The following FRRS1 variants were observed in gnomAD, a reference collection of about 807,000 sequenced individuals.
FRRS1 encodes the protein ferric reductase 1.
FRRS1 carries 51 observed loss-of-function variants against 70.7 expected under a neutral mutation model. The ratio of observed to expected loss-of-function variants is 0.72; its 90% CI spans 0.58 to 0.91. FRRS1 has a LOEUF of 0.91. Ranked by LOEUF, FRRS1 falls within the 40% of genes least tolerant of loss-of-function variation. The pLI, the probability that FRRS1 is intolerant of heterozygous loss-of-function variation, is 0.00. For synonymous variants in FRRS1, 225 were observed against 238.7 expected, an observed-to-expected ratio of 0.94 and a Z score of 0.53; for missense variants, 672 against 726.0, an observed-to-expected ratio of 0.93 and a Z score of 0.86.
chr1:99,754,879 C>G (rs2100994671), intron 1 of FRRS1, among the ~76,000 whole-genome samples: 1 of 152,112 alleles, frequency 6.6e-6, no homozygotes, highest in Admixed American at 6.5e-5. Context: ...TTTAACCAGC[C>G]CTGCACCTAA....
chr1:99,723,952 A>G (rs1312464121), intron 9 of FRRS1, among the ~76,000 whole-genome samples: 1 of 152,222 alleles, frequency 6.6e-6, no homozygotes, highest in Non-Finnish European at 1.5e-5. Context: ...GAGCTACAAA[A>G]GTGTCAAAAA....
At chr1:99,738,456 G>A (rs1425498788) in intron 6 of FRRS1, among the ~76,000 whole-genome samples, 188 bp from the exon 7 acceptor site, 1 of 152,154 alleles carries the variant, frequency 6.6e-6, no homozygotes, top group Non-Finnish European at 1.5e-5. Flanking sequence ...GCAGTAGTTA[G>A]GTTATGAACT....
chr1:99,748,732 G>A lies in FRRS1; in HGVS notation c.37C>T (p.Leu13Phe). The A allele has an allele frequency of 6.2e-7, 1 of 1,614,034 alleles. No homozygotes were observed. Among genetic ancestry groups the A allele is most frequent in the Non-Finnish European group, 8.5e-7 (1 of 1,179,928 alleles). The change falls in exon 3 of 17, where the codon CTT (leucine) becomes TTT (phenylalanine). Residue 13 changes from leucine (L) to phenylalanine (F), a missense_variant. Leu to Phe is a conservative substitution (Grantham distance 22). Transcript: ENST00000646001. The stretch of plus-strand genomic sequence containing the variant: ...GCCACATAACTAATGTGCAACAGAA[G>A]TATGCAGGTACCAAGAGTAAATCCA... ...VSGFTLGTCI[L>F]LLHISYVANY...
intron 10 of FRRS1, among the ~76,000 whole-genome samples, chr1:99,719,182 G>A (rs1408703741): frequency 3.9e-5 from 6 of 152,104 alleles, no homozygotes; most frequent in Admixed American, 1.3e-4. Flanking sequence ...AGGCCTAGGC[G>A]GGCAGATCAC....
intron 11 of FRRS1, 24 bp from the exon 12 acceptor site, chr1:99,715,696 A>C: frequency 6.6e-7 from 1 of 1,522,278 alleles, no homozygotes; most frequent in South Asian, 1.1e-5. Flanking sequence ...TGACAAATTA[A>C]GAAGACACTT....
rs533398608 is a variant in FRRS1, at chr1:99,737,947, C to T, written c.759+139G>A. ...TAGTAGAGGTGGGGTTTCACCATCT[C>T]GGCCAGGCTGGTCTTGAACTCCCGA... On this transcript the variant is annotated intron_variant, in intron 7 of 16. Transcript: ENST00000646001. The T allele has an allele frequency of 2.4e-4, 154 of 636,862 alleles. No homozygotes were observed. In the South Asian group the frequency reaches 3.0e-3, roughly 12 times the overall value. 39.5% of individuals were successfully genotyped at this position (636,862 alleles called of 1,614,324 possible). A position where few individuals can be genotyped will look rare whatever the true frequency, so the allele number is the denominator to read the frequency against.
intron 1 of FRRS1, among the ~76,000 whole-genome samples, chr1:99,750,869 T>A (rs909215504): frequency 2.0e-5 from 3 of 152,094 alleles, no homozygotes; most frequent in African/African-American, 7.2e-5. Context: ...AATAAATAAA[T>A]AATAAATAAA....
At position 99,710,942 on chromosome 1, in the gene FRRS1, C is replaced by T; in HGVS notation, c.1488G>A (p.Ala496=). 1.9e-6 allele frequency: 3 copies of T among 1,612,736 alleles called. No individual in the cohort carries two copies. The highest frequency in any genetic ancestry group is 2.5e-6 in the Non-Finnish European group (3 of 1,179,226). Residue 496 remains alanine (A), a synonymous_variant, in exon 15 of 17, where the codon GCG becomes GCA. Transcript: ENST00000646001. Reference sequence around the variant, plus strand: ...CTGGTAAATCCATTCCCAGGAACATCGCTGCCACTACATACAAAAGAAAAA... The same window carrying T: ...CTGGTAAATCCATTCCCAGGAACATTGCTGCCACTACATACAAAAGAAAAA... The part of the protein sequence containing the change: ...GTAARIIAVA[A]MFLGMDLPGL...
At chr1:99,736,633 T>TAG in intron 7 of FRRS1, among the ~76,000 whole-genome samples, 1 of 49,742 alleles carries the variant, frequency 2.0e-5, no homozygotes, top group Admixed American at 2.4e-4. Flanking sequence ...GTGGGGAGAG[T>TAG]GGGGAGGGAT....
At chr1:99,719,749 G>C in intron 9 of FRRS1, 102 bp from the exon 10 acceptor site, 1 of 636,474 alleles carries the variant, frequency 1.6e-6, no homozygotes, top group Non-Finnish European at 2.8e-6. Flanking sequence ...AATTTCTTAA[G>C]GTAATAAAAA....
chr1:99,734,564 T>C (rs1655556233), intron 7 of FRRS1, among the ~76,000 whole-genome samples: 1 of 151,994 alleles, frequency 6.6e-6, no homozygotes, highest in South Asian at 2.1e-4. Context: ...AAACAAAAAA[T>C]TGGAAATGGC....
intron 7 of FRRS1, among the ~76,000 whole-genome samples, chr1:99,737,694 C>T (rs1557697101): frequency 6.6e-6 from 1 of 152,042 alleles, no homozygotes. Flanking sequence ...ATCATTTGAC[C>T]CTGGAACAAA....
Position 99,728,488 on chromosome 1 carries a change from C to CT in FRRS1, c.1006+4dup. On this transcript the variant is annotated splice_donor_region_variant and intron_variant, in intron 9 of 16. Transcript: ENST00000646001. ...CTTGAAAAGACAGCTTAACAATATACTTACCATCATTAGCTGCACCATCTG... is the reference window on the plus strand; with the variant it reads ...CTTGAAAAGACAGCTTAACAATATACTTTACCATCATTAGCTGCACCATCTG... The CT allele has an allele frequency of 6.2e-7, 1 of 1,605,968 alleles. No homozygotes were observed. The highest frequency in any genetic ancestry group is 1.1e-5 in the South Asian group (1 of 90,240).
chr1:99,708,791 C>T lies in FRRS1; in HGVS notation c.*237G>A, dbSNP rs1654138855. The T allele has an allele frequency of 1.2e-5, 8 of 676,038 alleles. No homozygotes were observed. The highest frequency in any genetic ancestry group is 1.7e-5 in the Non-Finnish European group (7 of 403,860). 41.9% of individuals were successfully genotyped at this position (676,038 alleles called of 1,614,324 possible). On this transcript the variant is annotated 3_prime_UTR_variant, in exon 17 of 17. Transcript: ENST00000646001. The stretch of plus-strand genomic sequence containing the variant: ...TTTGAGAGTTACTTCTCCTGAAGTA[C>T]AATCTTTCCTTTAAGACCCAGAATT...
intron 5 of FRRS1, 70 bp from the exon 6 acceptor site, chr1:99,741,010 GAA>G: frequency 1.4e-5 from 17 of 1,206,726 alleles, no homozygotes; most frequent in South Asian, 3.1e-5. Context: ...AACGTTAAAG[GAA>G]AAAAAAAAGA....
At chr1:99,740,318 C>T (rs1201372672) in intron 6 of FRRS1, among the ~76,000 whole-genome samples, 1 of 152,204 alleles carries the variant, frequency 6.6e-6, no homozygotes, top group Non-Finnish European at 1.5e-5. Context: ...CTTGAACATG[C>T]AGGGTCTTGC....
intron 1 of FRRS1, among the ~76,000 whole-genome samples, chr1:99,756,703 C>T (rs981503276): frequency 4.6e-5 from 7 of 152,168 alleles, no homozygotes; most frequent in South Asian, 2.1e-4. Context: ...TTGTGCAACT[C>T]TAAGAACATG....
intron 3 of FRRS1, chr1:99,748,039 T>C (rs1656371925): frequency 1.3e-5 from 2 of 152,876 alleles, no homozygotes; most frequent in African/African-American, 2.4e-5. Flanking sequence ...ATATTTAATA[T>C]CCTACTGTAC....
At chr1:99,712,975 G>T (rs976815425) in intron 12 of FRRS1, among the ~76,000 whole-genome samples, 1 of 124,638 alleles carries the variant, frequency 8.0e-6, no homozygotes, top group Non-Finnish European at 1.6e-5. Context: ...ACCAACATCA[G>T]AACAGCCATC....
Sources: allele counts gnomAD v4.1 joint callset (sites outside exome capture counted in the v4.1 genomes callset), GRCh38; gene constraint gnomAD v4.1.1; transcripts MANE v1.5; gene names NCBI Gene and HGNC (gene_info 2026-07-23, HGNC 2026-07-21).